The following DIP2B variants were observed in gnomAD, a reference collection of about 807,000 sequenced individuals.
DIP2B encodes the protein DIP2 acetate--CoA ligase B (putative), also known as disco-interacting protein 2 homolog B.
DIP2B carries 76 observed loss-of-function variants against 198.0 expected under a neutral mutation model. That is an observed-to-expected ratio of 0.38 (90% confidence interval 0.32 to 0.46). The LOEUF is 0.46. DIP2B is among the 20% of genes least tolerant of loss of function. The pLI is 0.99. For synonymous variants in DIP2B, 701 were observed against 739.1 expected, an observed-to-expected ratio of 0.95 and a Z score of 0.84; for missense variants, 1,559 against 1,978.4, an observed-to-expected ratio of 0.79 and a Z score of 4.02.
At chr12:50,523,525 A>G (rs1958138401) in intron 1 of DIP2B, among the ~76,000 whole-genome samples, 1 of 152,226 alleles carries the variant, frequency 6.6e-6, no homozygotes, top group African/African-American at 2.4e-5. Context: ...TAGAACTCCA[A>G]TGGAAGATTC....
chr12:50,742,409 AAAAAAAAAAAAAAC>A (rs1010964316), intron 37 of DIP2B, among the ~76,000 whole-genome samples: 2 of 145,996 alleles, frequency 1.4e-5, no homozygotes. Context: ...AAAAAAAAAA[AAAAAAAAAAAAAAC>A]CACCTCTGTA....
At chr12:50,536,965 G>A (rs1371214310) in intron 1 of DIP2B, among the ~76,000 whole-genome samples, 1 of 151,406 alleles carries the variant, frequency 6.6e-6, no homozygotes, top group Non-Finnish European at 1.5e-5. Context: ...TTAGGGGACA[G>A]GACTTTAGTT....
At chr12:50,733,944 C>T (rs1940092957) in intron 32 of DIP2B, among the ~76,000 whole-genome samples, 191 bp from the exon 33 acceptor site, 1 of 152,184 alleles carries the variant, frequency 6.6e-6, no homozygotes, top group Non-Finnish European at 1.5e-5. Context: ...AAGCCCTCCT[C>T]AGCATGGAAA....
At chr12:50,739,077 C>A (rs937324935) in intron 35 of DIP2B, among the ~76,000 whole-genome samples, 2 of 152,192 alleles carry the variant, frequency 1.3e-5, no homozygotes, top group African/African-American at 4.8e-5. Context: ...GGCAGGGTAG[C>A]CTTGTGGGTG....
At chr12:50,697,680 C>T (rs1939341150) in intron 17 of DIP2B, among the ~76,000 whole-genome samples, 1 of 151,094 alleles carries the variant, frequency 6.6e-6, no homozygotes, top group South Asian at 2.1e-4. Flanking sequence ...CAGGCATGTA[C>T]CACCACGCCT....
At chr12:50,558,608 G>C (rs993327680) in intron 1 of DIP2B, among the ~76,000 whole-genome samples, 4 of 152,120 alleles carry the variant, frequency 2.6e-5, no homozygotes, top group Non-Finnish European at 4.4e-5. Flanking sequence ...AGTCAGAGAT[G>C]GTAGAATGAA....
chr12:50,718,979 C>T lies in DIP2B; in HGVS notation c.2986C>T (p.Gln996Ter), dbSNP rs201026863. ...RKHQFLAEIL[Q>*]WRAQATPDHV... ...GCACCAGTTTCTGGCAGAGATCCTACAGTGGCGAGCCCAGGCGACTCCTGA... is the reference window on the plus strand; with the variant it reads ...GCACCAGTTTCTGGCAGAGATCCTATAGTGGCGAGCCCAGGCGACTCCTGA... The change falls in exon 25 of 38, where the codon CAG becomes TAG. Residue 996 changes from glutamine to a stop codon, truncating the protein, a stop_gained. Coordinates refer to ENST00000301180, the MANE Select transcript of DIP2B (RefSeq NM_173602.3). LOFTEE classifies it high-confidence loss of function. The T allele has an allele frequency of 6.2e-7, 1 of 1,614,218 alleles. No individual in the cohort carries two copies. The highest frequency in any genetic ancestry group is 8.5e-7 in the Non-Finnish European group (1 of 1,180,024).
At chr12:50,700,577 C>T (rs937935267) in intron 19 of DIP2B, among the ~76,000 whole-genome samples, 1 of 152,204 alleles carries the variant, frequency 6.6e-6, no homozygotes. Flanking sequence ...GATACCATAT[C>T]TATGCTCTCC....
intron 4 of DIP2B, among the ~76,000 whole-genome samples, chr12:50,665,943 C>T (rs1383477936): frequency 2.0e-5 from 3 of 152,110 alleles, no homozygotes; most frequent in African/African-American, 7.2e-5. Context: ...TGCTGATTTA[C>T]CAGGTTGGGG....
At chr12:50,679,632 G>A (rs938183007) in intron 8 of DIP2B, 2 of 152,204 alleles carry the variant, frequency 1.3e-5, no homozygotes, top group African/African-American at 2.4e-5. Flanking sequence ...AGGGAAGGGA[G>A]TAGGAAAAGA....
intron 1 of DIP2B, among the ~76,000 whole-genome samples, chr12:50,516,259 A>ATC (rs1958064284): frequency 7.0e-6 from 1 of 141,868 alleles, no homozygotes; most frequent in Non-Finnish European, 1.6e-5. Flanking sequence ...CTCTATCTCT[A>ATC]TCTCTATCTC....
At chr12:50,617,406 AG>A (rs1210317167) in intron 1 of DIP2B, among the ~76,000 whole-genome samples, 1 of 151,598 alleles carries the variant, frequency 6.6e-6, no homozygotes, top group East Asian at 2.0e-4. Flanking sequence ...CCACCTGCCT[AG>A]GCCTCCCAAA....
chr12:50,514,536 T>A (rs1958047164), intron 1 of DIP2B, among the ~76,000 whole-genome samples: 1 of 152,192 alleles, frequency 6.6e-6, no homozygotes, highest in Non-Finnish European at 1.5e-5. Flanking sequence ...ATGTTCTTAC[T>A]CTCATCTCTT....
chr12:50,589,975 A>G (rs992438033), intron 1 of DIP2B, among the ~76,000 whole-genome samples: 10 of 151,064 alleles, frequency 6.6e-5, no homozygotes, highest in African/African-American at 2.4e-4. Flanking sequence ...GGAGATAGGC[A>G]TTTCCTGTTT....
At chr12:50,618,565 C>T (rs779846180) in intron 1 of DIP2B, among the ~76,000 whole-genome samples, 21 of 152,158 alleles carry the variant, frequency 1.4e-4, no homozygotes, top group Non-Finnish European at 2.6e-4. Context: ...GAATTTGGAG[C>T]GTCTCTGTAA....
chr12:50,548,810 C>G (rs748354399), intron 1 of DIP2B, among the ~76,000 whole-genome samples: 1 of 152,224 alleles, frequency 6.6e-6, no homozygotes, highest in Non-Finnish European at 1.5e-5. Context: ...CAGGCATGAG[C>G]CACTGCTCCT....
chr12:50,591,388 C>T (rs953713871), intron 1 of DIP2B, among the ~76,000 whole-genome samples: 15 of 151,570 alleles, frequency 9.9e-5, no homozygotes, highest in Admixed American at 7.2e-4. Flanking sequence ...ATCTTTTCCC[C>T]ATTGTATTCC....
chr12:50,590,253 C>T (rs535227487), intron 1 of DIP2B, among the ~76,000 whole-genome samples: 1 of 152,206 alleles, frequency 6.6e-6, no homozygotes, highest in South Asian at 2.1e-4. Context: ...TCTGCCTTGG[C>T]CTCCCAAAAT....
intron 1 of DIP2B, among the ~76,000 whole-genome samples, chr12:50,588,288 A>T (rs1452197495): frequency 2.0e-5 from 3 of 152,010 alleles, no homozygotes; most frequent in Admixed American, 2.0e-4. Flanking sequence ...AGTAGCTGGG[A>T]TTACAGGCAT....
Sources: allele counts gnomAD v4.1 joint callset (sites outside exome capture counted in the v4.1 genomes callset), GRCh38; gene constraint gnomAD v4.1.1; transcripts MANE v1.5; gene names NCBI Gene and HGNC (gene_info 2026-07-23, HGNC 2026-07-21).